The following COTL1 variants were observed in gnomAD, a reference collection of about 807,000 sequenced individuals.
COTL1 encodes the protein coactosin like F-actin binding protein 1, also known as coactosin-like protein.
In COTL1, 15 loss-of-function variants were observed where a neutral mutation model predicts 16.5. The observed-to-expected ratio is 0.91, with a 90% CI of 0.61 to 1.40. COTL1 has a LOEUF of 1.40. COTL1 is among the 40% of genes most tolerant of loss of function. The probability of loss-of-function intolerance (pLI) is 0.00; values close to 1 mark genes in which losing one functional copy is unlikely to be tolerated. For synonymous variants in COTL1, 112 were observed against 85.3 expected (o/e 1.31, Z -1.73); for missense variants, 220 against 201.5 (o/e 1.09, Z -0.56).
intron 3 of COTL1, among the ~76,000 whole-genome samples, chr16:84,581,331 A>G (rs16974200): frequency 0.086 from 13,051 of 152,162 alleles, 909 homozygotes; most frequent in African/African-American, 0.19. Context: ...CCACATAGAA[A>G]TAAACAGCTG....
At chr16:84,608,272 A>G (rs1193164827) in intron 2 of COTL1, among the ~76,000 whole-genome samples, 1 of 152,206 alleles carries the variant, frequency 6.6e-6, no homozygotes, top group East Asian at 1.9e-4. Flanking sequence ...ACTTCTGAAT[A>G]TTTTCAAGGG....
intron 2 of COTL1, among the ~76,000 whole-genome samples, chr16:84,593,712 C>T (rs1056647570): frequency 6.6e-6 from 1 of 152,068 alleles, no homozygotes; most frequent in African/African-American, 2.4e-5. Flanking sequence ...GGGGTTTCAC[C>T]GTGGTCTTGA....
intron 2 of COTL1, among the ~76,000 whole-genome samples, chr16:84,593,626 C>T (rs1270927601): frequency 4.6e-5 from 7 of 152,024 alleles, no homozygotes; most frequent in African/African-American, 1.7e-4. Context: ...ATTCTCCTGC[C>T]TCAGCCCCCC....
intron 2 of COTL1, among the ~76,000 whole-genome samples, chr16:84,603,169 G>A (rs758702099): frequency 6.6e-6 from 1 of 152,150 alleles, no homozygotes; most frequent in Non-Finnish European, 1.5e-5. Flanking sequence ...GGGCAGACTC[G>A]CAGCCAGTTT....
rs149765163 is a variant in COTL1, at chr16:84,585,062, G to C, written c.318+5043C>G. 5.3e-3 allele frequency among the ~76,000 whole-genome samples: 800 copies of C among 152,256 alleles called. 13 individuals are homozygous for C. Among genetic ancestry groups the C allele is most frequent in the Middle Eastern group, 0.017 (5 of 294 alleles). Reference sequence around the variant, plus strand: ...AAACAAAAGAAAAGAAAAATTTCCAGAATACGCCAAAATAGAATATGACAC... The same window carrying C: ...AAACAAAAGAAAAGAAAAATTTCCACAATACGCCAAAATAGAATATGACAC... On this transcript the variant is annotated intron_variant, in intron 3 of 3. Transcript: ENST00000262428.
intron 2 of COTL1, among the ~76,000 whole-genome samples, chr16:84,607,265 G>A (rs1905229595): frequency 6.6e-6 from 1 of 152,190 alleles, no homozygotes; most frequent in Non-Finnish European, 1.5e-5. Context: ...AGTCCTCCAG[G>A]AAGGCGAAAC....
At chr16:84,581,420 C>T (rs989105173) in intron 3 of COTL1, among the ~76,000 whole-genome samples, 1 of 152,202 alleles carries the variant, frequency 6.6e-6, no homozygotes, top group Non-Finnish European at 1.5e-5. Context: ...CAAGGGGGAG[C>T]AGCAGCCTCG....
chr16:84,617,783 G>A (rs1401175716), intron 1 of COTL1, 55 bp downstream of exon 1: 33 of 1,503,246 alleles, frequency 2.2e-5, no homozygotes, highest in Non-Finnish European at 2.8e-5. Context: ...CTCGGTGCAC[G>A]AGGCCCCGCG....
chr16:84,582,893 A>C (rs1224629596), intron 3 of COTL1, among the ~76,000 whole-genome samples: 1 of 152,256 alleles, frequency 6.6e-6, no homozygotes, highest in Non-Finnish European at 1.5e-5. Flanking sequence ...TACACGCCGT[A>C]ACTTTCTCCA....
At chr16:84,570,248 C>G (rs1209170953) in intron 3 of COTL1, among the ~76,000 whole-genome samples, 1 of 152,196 alleles carries the variant, frequency 6.6e-6, no homozygotes, top group East Asian at 1.9e-4. Flanking sequence ...TGCACTCCAG[C>G]CTGGCAACAG....
At chr16:84,580,478 T>C (rs1215850661) in intron 3 of COTL1, among the ~76,000 whole-genome samples, 1 of 152,180 alleles carries the variant, frequency 6.6e-6, no homozygotes, top group Non-Finnish European at 1.5e-5. Flanking sequence ...CTGGAACTCC[T>C]GGGCTCAAGC....
chr16:84,611,207 A>G (rs191490723), intron 2 of COTL1, among the ~76,000 whole-genome samples: 145 of 152,286 alleles, frequency 9.5e-4, no homozygotes, highest in African/African-American at 3.3e-3. Flanking sequence ...CTCTTAACCA[A>G]TCAGCTCTAA....
chr16:84,605,529 C>T (rs1412621812), intron 2 of COTL1, among the ~76,000 whole-genome samples: 1 of 152,194 alleles, frequency 6.6e-6, no homozygotes, highest in Non-Finnish European at 1.5e-5. Flanking sequence ...CCTGGGTTAT[C>T]TGGGTGACAC....
intron 3 of COTL1, chr16:84,569,051 G>A (rs74637736): frequency 0.087 from 13,271 of 152,388 alleles, 758 homozygotes; most frequent in East Asian, 0.21. Context: ...GCCAGGTGCG[G>A]TGGCTCACGC....
In COTL1 at chr16:84,600,572, C is replaced by G. The variant is rs541413113; in HGVS notation, c.161-10310G>C. 4.6e-5 allele frequency among the ~76,000 whole-genome samples: 7 copies of G among 152,294 alleles called. No homozygotes were observed. The South Asian group carries it at 1.5e-3, about 32-fold the overall frequency. On this transcript the variant is annotated intron_variant, in intron 2 of 3. Transcript: ENST00000262428. ...AGGTGAACTGCCCGCCTCAGTCTCC[C>G]AAAGAGCCAGGATTACAGGCGCGAG...
At chr16:84,609,926 C>T (rs60066860) in intron 2 of COTL1, among the ~76,000 whole-genome samples, 41,821 of 152,198 alleles carry the variant, frequency 0.27, 6,276 homozygotes, top group East Asian at 0.44. Context: ...TACCCAGTCA[C>T]GGGTATTTCT....
intron 3 of COTL1, among the ~76,000 whole-genome samples, chr16:84,589,451 G>A (rs1199366985): frequency 6.6e-6 from 1 of 152,150 alleles, no homozygotes; most frequent in African/African-American, 2.4e-5. Context: ...CAGTTTAAAG[G>A]CGCAGTAAGA....
intron 1 of COTL1, 97 bp downstream of exon 1, chr16:84,617,741 G>A: frequency 1.4e-6 from 2 of 1,399,632 alleles, no homozygotes; most frequent in Middle Eastern, 1.8e-4. Flanking sequence ...AGACAGCGCG[G>A]GAGGCCCGAA....
intron 3 of COTL1, among the ~76,000 whole-genome samples, chr16:84,583,156 C>T (rs28520743): frequency 0.22 from 33,588 of 152,092 alleles, 3,911 homozygotes; most frequent in Non-Finnish European, 0.27. Context: ...AGCCTGGATT[C>T]CAGGCATAGC....
Sources: gnomAD v4.1 joint callset for allele counts (sites outside exome capture counted in the v4.1 genomes callset) on GRCh38, gnomAD v4.1.1 for gene constraint, MANE v1.5 for transcripts, NCBI Gene and HGNC (gene_info 2026-07-23, HGNC 2026-07-21) for gene names.